The following WWOX variants were observed in gnomAD, a reference collection of about 807,000 sequenced individuals.
WWOX encodes the protein WW domain containing oxidoreductase.
A neutral mutation model predicts 46.2 loss-of-function variants in WWOX; 69 were observed. The observed-to-expected ratio is 1.49, with a 90% CI of 1.23 to 1.82. WWOX has a LOEUF of 1.82. Among genes scored for constraint, WWOX ranks in the 40% most tolerant of loss-of-function variants. The pLI, the probability that WWOX is intolerant of heterozygous loss-of-function variation, is 0.00. For synonymous variants in WWOX, 359 were observed against 202.6 expected, an observed-to-expected ratio of 1.77 and a Z score of -6.56; for missense variants, 919 against 542.6, an observed-to-expected ratio of 1.69 and a Z score of -6.89.
intron 8 of WWOX, chr16:78,825,702 T>A: frequency 1.8e-6 from 1 of 549,796 alleles, no homozygotes; most frequent in Non-Finnish European, 3.5e-6. Flanking sequence ...TGGGAGACTC[T>A]GAGGACAGAG....
chr16:78,213,250 CAAAAAAAAA>C (rs3041524), intron 5 of WWOX, among the ~76,000 whole-genome samples: 1 of 97,098 alleles, frequency 1.0e-5, no homozygotes, highest in African/African-American at 3.9e-5. Flanking sequence ...GACTGTATCT[CAAAAAAAAA>C]AAAAAAAAAA....
chr16:78,990,260 C>T (rs1027540991), intron 8 of WWOX, among the ~76,000 whole-genome samples: 2 of 151,936 alleles, frequency 1.3e-5, no homozygotes, highest in Non-Finnish European at 2.9e-5. Flanking sequence ...CCATTCCCCC[C>T]ATGCTTTGTA....
At chr16:78,862,592 C>G (rs1040520096) in intron 8 of WWOX, among the ~76,000 whole-genome samples, 1 of 151,998 alleles carries the variant, frequency 6.6e-6, no homozygotes, top group Non-Finnish European at 1.5e-5. Context: ...CCCAGGACAA[C>G]CAATGGTACA....
chr16:78,833,874 A>G (rs73577482), intron 8 of WWOX, among the ~76,000 whole-genome samples: 2,284 of 152,340 alleles, frequency 0.015, 53 homozygotes, highest in African/African-American at 0.051. Flanking sequence ...TGCCTTCTCT[A>G]TGGTACCATA....
At chr16:79,175,893 C>G (rs1170589992) in intron 8 of WWOX, among the ~76,000 whole-genome samples, 1 of 152,190 alleles carries the variant, frequency 6.6e-6, no homozygotes, top group African/African-American at 2.4e-5. Flanking sequence ...CATCCTTTCA[C>G]ACCTCTGAGC....
intron 5 of WWOX, among the ~76,000 whole-genome samples, chr16:78,376,406 C>T (rs2081826764): frequency 6.6e-6 from 1 of 152,156 alleles, no homozygotes; most frequent in South Asian, 2.1e-4. Flanking sequence ...GGATTTGAAC[C>T]AGGCTGTCCC....
At chr16:78,346,796 C>A (rs1197875683) in intron 5 of WWOX, among the ~76,000 whole-genome samples, 3 of 120,680 alleles carry the variant, frequency 2.5e-5, no homozygotes, top group African/African-American at 8.4e-5. Flanking sequence ...CCTCTGCCTA[C>A]TGGGTTCAAG....
intron 8 of WWOX, among the ~76,000 whole-genome samples, chr16:78,626,118 T>C (rs2046305298): frequency 1.3e-5 from 2 of 151,832 alleles, no homozygotes; most frequent in African/African-American, 4.8e-5. Context: ...CCATCCAGGA[T>C]ACCACTTTTA....
At chr16:78,102,529 G>A (rs978246636) in intron 1 of WWOX, among the ~76,000 whole-genome samples, 10 of 152,190 alleles carry the variant, frequency 6.6e-5, no homozygotes, top group East Asian at 3.9e-4. Flanking sequence ...TTGCAGGGAC[G>A]GAGGCAAGCT....
intron 4 of WWOX, among the ~76,000 whole-genome samples, chr16:78,155,270 G>T (rs773352813): frequency 6.6e-6 from 1 of 151,690 alleles, no homozygotes; most frequent in Non-Finnish European, 1.5e-5. Flanking sequence ...AAGGAAGGAA[G>T]GGAAAGGGAA....
At chr16:78,856,202 A>G (rs1439944229) in intron 8 of WWOX, among the ~76,000 whole-genome samples, 1 of 152,230 alleles carries the variant, frequency 6.6e-6, no homozygotes, top group African/African-American at 2.4e-5. Flanking sequence ...GAACAGAATG[A>G]CAGAGGAAAA....
At chr16:78,372,285 C>G (rs186570069) in intron 5 of WWOX, among the ~76,000 whole-genome samples, 2 of 152,132 alleles carry the variant, frequency 1.3e-5, no homozygotes, top group African/African-American at 4.8e-5. Context: ...TGTGCAAATT[C>G]TAGGGTGTCC....
chr16:79,191,953 A>G (rs1399943199), intron 8 of WWOX, among the ~76,000 whole-genome samples: 6 of 152,224 alleles, frequency 3.9e-5, no homozygotes, highest in Admixed American at 3.3e-4. Context: ...ACCACACATC[A>G]GGTGATTTAA....
At chr16:78,769,749 G>A (rs1015982480) in intron 8 of WWOX, among the ~76,000 whole-genome samples, 1 of 151,506 alleles carries the variant, frequency 6.6e-6, no homozygotes, top group Non-Finnish European at 1.5e-5. Context: ...ATGCCTGTCT[G>A]TAATCCCAGC....
intron 8 of WWOX, among the ~76,000 whole-genome samples, chr16:78,499,449 C>T (rs1389898347): frequency 6.6e-6 from 1 of 152,202 alleles, no homozygotes; most frequent in Non-Finnish European, 1.5e-5. Context: ...TTTACCATAG[C>T]TAACCTTTCT....
intron 8 of WWOX, among the ~76,000 whole-genome samples, chr16:78,689,507 G>C (rs997951080): frequency 6.6e-6 from 1 of 152,266 alleles, no homozygotes; most frequent in Non-Finnish European, 1.5e-5. Context: ...CTCTCTCCTT[G>C]CTGGATCTTC....
intron 5 of WWOX, among the ~76,000 whole-genome samples, chr16:78,210,370 G>T (rs1416241062): frequency 6.6e-6 from 1 of 152,170 alleles, no homozygotes; most frequent in African/African-American, 2.4e-5. Flanking sequence ...CTGTCAGTTT[G>T]CTTTGGAGAA....
chr16:78,796,973 G>C (rs903090836), intron 8 of WWOX, among the ~76,000 whole-genome samples: 1 of 151,978 alleles, frequency 6.6e-6, no homozygotes, highest in African/African-American at 2.4e-5. Context: ...TTATAGGCAT[G>C]AGCCACCATG....
intron 8 of WWOX, among the ~76,000 whole-genome samples, chr16:78,686,249 G>C (rs904194865): frequency 7.9e-5 from 12 of 152,018 alleles, no homozygotes; most frequent in Admixed American, 2.0e-4. Flanking sequence ...CGGTGGCTCA[G>C]GCCTGTAATC....
Sources: allele counts gnomAD v4.1 joint callset (sites outside exome capture counted in the v4.1 genomes callset), GRCh38; gene constraint gnomAD v4.1.1; transcripts MANE v1.5; gene names NCBI Gene and HGNC (gene_info 2026-07-23, HGNC 2026-07-21).